FIGN: variants seen among roughly 807,000 people sequenced by gnomAD.
The protein encoded by FIGN is fidgetin, microtubule severing factor.
FIGN carries 11 observed loss-of-function variants against 51.3 expected under a neutral mutation model. That is an observed-to-expected ratio of 0.21 (90% CI 0.13 to 0.35). FIGN has a LOEUF of 0.35. FIGN is among the 10% of genes least tolerant of loss of function. The probability of loss-of-function intolerance (pLI) is 1.00; values close to 1 mark genes in which losing one functional copy is unlikely to be tolerated. For missense variants in FIGN, 857 were observed against 943.6 expected, an observed-to-expected ratio of 0.91 and a Z score of 1.20; for synonymous variants, 407 against 363.2, an observed-to-expected ratio of 1.12 and a Z score of -1.37.
At chr2:163,651,448 T>A (rs1054572934) in intron 2 of FIGN, among the ~76,000 whole-genome samples, 1 of 152,114 alleles carries the variant, frequency 6.6e-6, no homozygotes, top group African/African-American at 2.4e-5. Flanking sequence ...ACAGTGAGAC[T>A]CCATCTCAAA....
chr2:163,634,515 C>A (rs747467945), intron 2 of FIGN, among the ~76,000 whole-genome samples: 1 of 152,104 alleles, frequency 6.6e-6, no homozygotes, highest in Non-Finnish European at 1.5e-5. Flanking sequence ...CAACACTGGG[C>A]TCTCTCATTA....
intron 2 of FIGN, among the ~76,000 whole-genome samples, chr2:163,677,848 C>T (rs1298615396): frequency 2.6e-5 from 4 of 152,184 alleles, no homozygotes; most frequent in Non-Finnish European, 5.9e-5. Flanking sequence ...ACTTTCCCTG[C>T]TCTTTTCCAT....
rs373141981 is a variant in FIGN at position 163,635,000 on chromosome 2, C to T, written c.26-23194G>A. 2.5e-3 allele frequency among the ~76,000 whole-genome samples: 375 copies of T among 152,270 alleles called. 1 individual carries two copies. Among genetic ancestry groups the T allele is most frequent in the African/African-American group, 8.8e-3 (364 of 41,550 alleles). ...ATCTAGTGACAAACAACCTGCCCTACTAAATTTTCCTCAAACATAGAAAAG... is the reference window on the plus strand; with the variant it reads ...ATCTAGTGACAAACAACCTGCCCTATTAAATTTTCCTCAAACATAGAAAAG... On this transcript the variant is annotated intron_variant, in intron 2 of 2. Transcript: ENST00000333129.
At chr2:163,633,288 A>G (rs978058539) in intron 2 of FIGN, among the ~76,000 whole-genome samples, 6 of 152,252 alleles carry the variant, frequency 3.9e-5, no homozygotes, top group African/African-American at 1.4e-4. Flanking sequence ...GGGAATAATA[A>G]CAATAGCTAA....
intron 2 of FIGN, among the ~76,000 whole-genome samples, chr2:163,643,955 A>AAAAAAAAAAAAC (rs1683344790): frequency 6.7e-6 from 1 of 148,986 alleles, no homozygotes; most frequent in Admixed American, 6.7e-5. Context: ...AAAAAAAAAA[A>AAAAAAAAAAAAC]AAAGTCAGAA....
intron 2 of FIGN, among the ~76,000 whole-genome samples, chr2:163,634,786 A>AT: frequency 6.6e-6 from 1 of 152,342 alleles, no homozygotes; most frequent in Admixed American, 6.5e-5. Context: ...TAACTCTCTT[A>AT]TAATAAATCG....
chr2:163,662,224 G>A (rs1218586720), intron 2 of FIGN, among the ~76,000 whole-genome samples: 1 of 152,172 alleles, frequency 6.6e-6, no homozygotes, highest in Non-Finnish European at 1.5e-5. Flanking sequence ...ATCTTGTTAT[G>A]TTTTAGGAAA....
intron 2 of FIGN, among the ~76,000 whole-genome samples, chr2:163,712,087 C>T (rs916845596): frequency 1.3e-5 from 2 of 152,082 alleles, no homozygotes; most frequent in Admixed American, 1.3e-4. Flanking sequence ...CCAGGAACAA[C>T]TACAAAGTAC....
intron 1 of FIGN, among the ~76,000 whole-genome samples, chr2:163,735,495 C>A (rs147365647): frequency 2.0e-5 from 3 of 152,300 alleles, no homozygotes; most frequent in Non-Finnish European, 2.9e-5. Flanking sequence ...CACCCTATGG[C>A]TCCGCTTTCT....
At position 163,610,717 on chromosome 2, in the gene FIGN, G is replaced by A; in HGVS notation, c.1115C>T (p.Ser372Leu). ...CTTCGTTGGCTTAAATGCTAAGGAT[G>A]ATGTTTCAGCACTTCTGTCAAAGCC... ...GNGFDRSAET[S>L]SLAFKPTKQL... The change falls in exon 3 of 3, where the codon TCA (serine) becomes TTA (leucine). Residue 372 changes from serine (S) to leucine (L), a missense_variant. Physicochemically the swap from Ser to Leu is moderately radical, Grantham distance 145 (BLOSUM62 -2). Around this residue, in one of 3 missense-constraint regions of FIGN, gnomAD observed 799 missense variants for 849.5 expected, o/e 0.94. Coordinates refer to ENST00000333129, the MANE Select transcript of FIGN (RefSeq NM_018086.4). 1 of 1,614,202 alleles carries A rather than the reference G, an allele frequency of 6.2e-7. No individual in the cohort carries two copies. Among genetic ancestry groups the A allele is most frequent in the Middle Eastern group, 1.6e-4 (1 of 6,062 alleles).
chr2:163,638,963 A>C (rs2105315325), intron 2 of FIGN, among the ~76,000 whole-genome samples: 1 of 152,278 alleles, frequency 6.6e-6, no homozygotes, highest in African/African-American at 2.4e-5. Flanking sequence ...ACAGCATTAA[A>C]CCCCTCCAGT....
chr2:163,626,480 T>G (rs959319749), intron 2 of FIGN, among the ~76,000 whole-genome samples: 1 of 152,202 alleles, frequency 6.6e-6, no homozygotes, highest in Non-Finnish European at 1.5e-5. Flanking sequence ...GTATGCTTTC[T>G]ATGTTTGCTT....
chr2:163,612,101 T>G (rs2105300019), intron 2 of FIGN, among the ~76,000 whole-genome samples: 1 of 152,324 alleles, frequency 6.6e-6, no homozygotes, highest in Middle Eastern at 3.4e-3. Context: ...GCCCATCAGC[T>G]TACCTACTAT....
chr2:163,731,144 T>C (rs536439292), intron 2 of FIGN, among the ~76,000 whole-genome samples: 14 of 152,274 alleles, frequency 9.2e-5, no homozygotes, highest in Admixed American at 5.9e-4. Context: ...AGTATTAGCA[T>C]GGCTGTCTTC....
At chr2:163,714,908 C>G (rs557507158) in intron 2 of FIGN, among the ~76,000 whole-genome samples, 1 of 152,316 alleles carries the variant, frequency 6.6e-6, no homozygotes, top group East Asian at 1.9e-4. Flanking sequence ...CACTCTTTCT[C>G]CTATGTAATA....
intron 2 of FIGN, among the ~76,000 whole-genome samples, chr2:163,707,608 T>C (rs1684521396): frequency 6.6e-6 from 1 of 152,120 alleles, no homozygotes; most frequent in African/African-American, 2.4e-5. Context: ...ATCAACAGTA[T>C]TTAATCATTA....
At chr2:163,616,479 T>C (rs1421232860) in intron 2 of FIGN, among the ~76,000 whole-genome samples, 2 of 152,196 alleles carry the variant, frequency 1.3e-5, no homozygotes, top group Non-Finnish European at 2.9e-5. Flanking sequence ...CCTTTTACAA[T>C]GTTCCCATAG....
rs141080168 is a variant in FIGN, at chr2:163,675,478, T to C, written c.25+59425A>G. Reference sequence around the variant, plus strand: ...TGTTAGAAATGCAAATTCAGAGCCCTAGAGATCTACTGAATCAGAAATTCT... The same window carrying C: ...TGTTAGAAATGCAAATTCAGAGCCCCAGAGATCTACTGAATCAGAAATTCT... On this transcript the variant is annotated intron_variant, in intron 2 of 2. Transcript: ENST00000333129. Among the ~76,000 whole-genome samples the C allele has an allele frequency of 4.5e-3, 682 of 152,296 alleles. 6 individuals carry two copies. The highest frequency in any genetic ancestry group is 0.015 in the African/African-American group (636 of 41,568).
rs146762385 is a variant in FIGN, at chr2:163,649,875, C to T, written c.26-38069G>A. Among the ~76,000 whole-genome samples the T allele has an allele frequency of 1.9e-3, 282 of 152,286 alleles. 3 individuals carry two copies. The highest frequency in any genetic ancestry group is 6.3e-3 in the African/African-American group (262 of 41,564). On this transcript the variant is annotated intron_variant, in intron 2 of 2. Transcript: ENST00000333129. ...ATGGAAGAAAAACATTTATTAAGTGCTAACTAATTTGCCCATCACTTATCT... is the reference window on the plus strand; with the variant it reads ...ATGGAAGAAAAACATTTATTAAGTGTTAACTAATTTGCCCATCACTTATCT...
Sources: allele counts gnomAD v4.1 joint callset (sites outside exome capture counted in the v4.1 genomes callset), GRCh38; gene constraint gnomAD v4.1.1; regional missense constraint gnomAD v4.1.1; transcripts MANE v1.5; gene names NCBI Gene and HGNC (gene_info 2026-07-23, HGNC 2026-07-21).